Variants in DHRSX observed in about 807,000 individuals in gnomAD.
The protein encoded by DHRSX is dehydrogenase/reductase X-linked.
In DHRSX, 31 loss-of-function variants were observed where a neutral mutation model predicts 34.0. The ratio of observed to expected loss-of-function variants is 0.91; its 90% CI spans 0.69 to 1.23. DHRSX has a LOEUF of 1.23. DHRSX is among the 50% of genes most tolerant of loss of function. The probability of loss-of-function intolerance (pLI) is 0.00; values close to 1 mark genes in which losing one functional copy is unlikely to be tolerated. For synonymous variants in DHRSX, 201 were observed against 183.8 expected, an observed-to-expected ratio of 1.09 and a Z score of -0.76; for missense variants, 414 against 428.1, an observed-to-expected ratio of 0.97 and a Z score of 0.29.
intron 3 of DHRSX, chrX:2,392,470 C>T (rs747704050): frequency 2.1e-5 from 6 of 290,384 alleles, no homozygotes; most frequent in Admixed American, 1.1e-4. Context: ...GCAAGACTCA[C>T]GTCTCTTAAA....
At chrX:2,468,910 G>A (rs187261501) in intron 1 of DHRSX, among the ~76,000 whole-genome samples, 8 of 148,038 alleles carry the variant, frequency 5.4e-5, no homozygotes, top group African/African-American at 1.8e-4. Flanking sequence ...CCAAGTGACC[G>A]CTGCCGTTGC....
intron 3 of DHRSX, among the ~76,000 whole-genome samples, chrX:2,332,251 A>G (rs1465149134): frequency 2.0e-5 from 3 of 152,176 alleles, no homozygotes; most frequent in African/African-American, 7.2e-5. Context: ...AGAAAACACA[A>G]ACAGACTGAA....
intron 3 of DHRSX, among the ~76,000 whole-genome samples, chrX:2,335,731 C>G (rs551826856): frequency 1.3e-5 from 2 of 152,006 alleles, no homozygotes; most frequent in African/African-American, 4.8e-5. Flanking sequence ...GGATTACAGG[C>G]GTGAGCCACC....
chrX:2,356,218 T>C (rs2042849906), intron 3 of DHRSX, among the ~76,000 whole-genome samples: 1 of 151,488 alleles, frequency 6.6e-6, no homozygotes, highest in Non-Finnish European at 1.5e-5. Flanking sequence ...ATACTAAAAA[T>C]ACAAAATACA....
At chrX:2,490,097 C>T (rs193222255) in intron 1 of DHRSX, 6 of 1,613,838 alleles carry the variant, frequency 3.7e-6, no homozygotes, top group Admixed American at 3.3e-5. Flanking sequence ...GACGTAGGCG[C>T]GGTTCTGATT....
intron 3 of DHRSX, among the ~76,000 whole-genome samples, chrX:2,293,294 G>C (rs1322176810): frequency 6.6e-6 from 1 of 151,326 alleles, no homozygotes; most frequent in Non-Finnish European, 1.5e-5. Context: ...GGTTTTGGAG[G>C]GAGAGGAACT....
At chrX:2,458,196 C>T (rs1487676433) in intron 1 of DHRSX, among the ~76,000 whole-genome samples, 2 of 152,036 alleles carry the variant, frequency 1.3e-5, no homozygotes, top group African/African-American at 2.4e-5. Flanking sequence ...CGTGTACACA[C>T]TGCAGACGTT....
At chrX:2,436,118 G>A (rs890379066) in intron 1 of DHRSX, among the ~76,000 whole-genome samples, 3 of 150,112 alleles carry the variant, frequency 2.0e-5, no homozygotes, top group East Asian at 2.0e-4. Flanking sequence ...ACTTGAACCC[G>A]GGAGGCAGAG....
Position 2,479,866 on chromosome X carries a change from G to A in DHRSX, c.109+20951C>T, listed in dbSNP as rs765661819. 1.3e-4 allele frequency among the ~76,000 whole-genome samples: 20 copies of A among 151,800 alleles called. No homozygotes were observed. The South Asian group carries it at 1.7e-3, about 13-fold the overall frequency. On this transcript the variant is annotated intron_variant, in intron 1 of 6. Coordinates refer to ENST00000334651, the MANE Select transcript of DHRSX (RefSeq NM_145177.3). Reference sequence around the variant, plus strand: ...CTAAGAATGTGGCTATGGGACTGTCGCCATGTACACACTGAAGATGTTCCC... The same window carrying A: ...CTAAGAATGTGGCTATGGGACTGTCACCATGTACACACTGAAGATGTTCCC...
Position 2,403,575 on chromosome X carries a change from G to T in DHRSX, c.286+5170C>A, listed in dbSNP as rs1309424256. On this transcript the variant is annotated intron_variant, in intron 3 of 6. Coordinates refer to ENST00000334651, the MANE Select transcript of DHRSX (RefSeq NM_145177.3). ...AAAACAGCAATGATTTGTTATTGTG[G>T]TCAGATGCAGTGGCTCACGCCTGTA... Among the ~76,000 whole-genome samples the T allele has an allele frequency of 3.9e-5, 6 of 152,268 alleles. No homozygotes were observed. In the East Asian group the frequency reaches 1.2e-3, roughly 29 times the overall value.
chrX:2,329,505 A>C (rs1395894462), intron 3 of DHRSX, among the ~76,000 whole-genome samples: 1 of 152,168 alleles, frequency 6.6e-6, no homozygotes, highest in East Asian at 1.9e-4. Flanking sequence ...TCGAATTTAG[A>C]GTAAGGATCA....
intron 1 of DHRSX, among the ~76,000 whole-genome samples, chrX:2,434,579 G>A (rs2043970188): frequency 6.6e-6 from 1 of 152,216 alleles, no homozygotes; most frequent in African/African-American, 2.4e-5. Flanking sequence ...GCTGAAATGG[G>A]AGGATCACTG....
intron 3 of DHRSX, among the ~76,000 whole-genome samples, chrX:2,307,367 C>CT (rs1236295731): frequency 6.6e-6 from 1 of 152,070 alleles, no homozygotes; most frequent in Non-Finnish European, 1.5e-5. Flanking sequence ...GTATTTTGTT[C>CT]ACCGTTTGAG....
intron 3 of DHRSX, among the ~76,000 whole-genome samples, chrX:2,408,346 T>C (rs1409338155): frequency 2.0e-5 from 3 of 152,050 alleles, no homozygotes; most frequent in Non-Finnish European, 4.4e-5. Flanking sequence ...AGTGCTGGGA[T>C]TACAGGCGCG....
intron 4 of DHRSX, among the ~76,000 whole-genome samples, chrX:2,276,593 C>G (rs1248943836): frequency 2.0e-5 from 3 of 152,050 alleles, no homozygotes; most frequent in Non-Finnish European, 4.4e-5. Context: ...GGAGTGAACG[C>G]TCAGGGTCAC....
chrX:2,390,304 G>A (rs1249680451), intron 3 of DHRSX, among the ~76,000 whole-genome samples: 1 of 151,128 alleles, frequency 6.6e-6, no homozygotes, highest in South Asian at 2.1e-4. Flanking sequence ...CACCACACTC[G>A]GCTAATTTTG....
chrX:2,248,301 T>C (rs1486540195), intron 5 of DHRSX, among the ~76,000 whole-genome samples: 3 of 151,682 alleles, frequency 2.0e-5, no homozygotes, highest in Non-Finnish European at 2.9e-5. Context: ...GGTGTGGTGG[T>C]GGGCGCCCGT....
At chrX:2,325,508 G>T (rs1189856695) in intron 3 of DHRSX, among the ~76,000 whole-genome samples, 1 of 152,138 alleles carries the variant, frequency 6.6e-6, no homozygotes, top group East Asian at 1.9e-4. Flanking sequence ...TGTAAAGTAA[G>T]AAAAACAGGA....
chrX:2,372,724 T>A, intron 3 of DHRSX, among the ~76,000 whole-genome samples: 1 of 151,996 alleles, frequency 6.6e-6, no homozygotes, highest in Middle Eastern at 3.4e-3. Flanking sequence ...TGCTCCTGCC[T>A]CAGCCTCCCG....
Sources: gnomAD v4.1 joint callset for allele counts (sites outside exome capture counted in the v4.1 genomes callset) on GRCh38, gnomAD v4.1.1 for gene constraint, MANE v1.5 for transcripts, NCBI Gene and HGNC (gene_info 2026-07-23, HGNC 2026-07-21) for gene names.